The following ARHGAP17 variants were observed in gnomAD, a reference collection of about 807,000 sequenced individuals.
ARHGAP17 encodes Rho GTPase activating protein 17, also known as rho GTPase-activating protein 17.
A neutral mutation model predicts 99.5 loss-of-function variants in ARHGAP17; 57 were observed. The ratio of observed to expected loss-of-function variants is 0.57; its 90% CI spans 0.46 to 0.71. The LOEUF (loss-of-function observed/expected upper bound fraction) is 0.71, where lower values mean the gene tolerates loss of function less well. Ranked by LOEUF, ARHGAP17 falls within the 30% of genes least tolerant of loss-of-function variation. The probability of loss-of-function intolerance (pLI) is 0.00; values close to 1 mark genes in which losing one functional copy is unlikely to be tolerated. For synonymous variants in ARHGAP17, 417 were observed against 429.6 expected, an observed-to-expected ratio of 0.97 and a Z score of 0.36; for missense variants, 1,000 against 1,122.4, an observed-to-expected ratio of 0.89 and a Z score of 1.56.
intron 1 of ARHGAP17, among the ~76,000 whole-genome samples, chr16:24,980,964 C>T (rs565037612): frequency 6.6e-6 from 1 of 152,230 alleles, no homozygotes; most frequent in South Asian, 2.1e-4. Context: ...GAGATTCAAC[C>T]TGAGAATCAG....
intron 1 of ARHGAP17, among the ~76,000 whole-genome samples, chr16:25,000,266 G>A (rs973754128): frequency 1.3e-5 from 2 of 152,168 alleles, no homozygotes; most frequent in African/African-American, 2.4e-5. Flanking sequence ...TCCCATGACA[G>A]AACACATTTC....
intron 18 of ARHGAP17, among the ~76,000 whole-genome samples, chr16:24,931,974 G>A (rs1453747551): frequency 6.6e-6 from 1 of 152,046 alleles, no homozygotes; most frequent in Non-Finnish European, 1.5e-5. Context: ...AAAATTAGCC[G>A]GGCGTGGTGG....
chr16:24,948,045 G>A (rs1198301249), intron 13 of ARHGAP17, among the ~76,000 whole-genome samples: 1 of 152,112 alleles, frequency 6.6e-6, no homozygotes, highest in East Asian at 1.9e-4. Context: ...TTATGTATAA[G>A]TACAGTCATA....
At chr16:24,949,544 T>C in intron 12 of ARHGAP17, 60 bp from the exon 13 acceptor site, 2 of 1,454,774 alleles carry the variant, frequency 1.4e-6, no homozygotes, top group East Asian at 2.3e-5. Context: ...CTTATTAATA[T>C]GCTATGTTAA....
In ARHGAP17 at chr16:24,954,667, C is replaced by A. The variant is rs755001720; in HGVS notation, c.788G>T (p.Arg263Leu). Residue 263 changes from arginine to leucine, a missense_variant, in exon 10 of 20, where the codon CGC becomes CTC. Physicochemically the swap from Arg to Leu is moderately radical, Grantham distance 102 (BLOSUM62 -2). This residue lies in a region of ARHGAP17 where 472 missense variants were observed against 611.1 expected (regional missense o/e 0.77). Coordinates refer to ENST00000289968, the MANE Select transcript of ARHGAP17 (RefSeq NM_001006634.3). Reference sequence around the variant, plus strand: ...GGCTTCAATGGGCAGCGCAATCTCGCGCCCGCTCCTCTTCAGGTGTTCTTC... The same window carrying A: ...GGCTTCAATGGGCAGCGCAATCTCGAGCCCGCTCCTCTTCAGGTGTTCTTC... The part of the protein sequence containing the change: ...PLEEHLKRSG[R>L]EIALPIEACV... The A allele has an allele frequency of 6.2e-7, 1 of 1,614,074 alleles. No homozygotes were observed. Among genetic ancestry groups the A allele is most frequent in the South Asian group, 1.1e-5 (1 of 91,064 alleles).
intron 4 of ARHGAP17, among the ~76,000 whole-genome samples, chr16:24,969,551 G>A (rs550316150): frequency 2.8e-4 from 42 of 152,312 alleles, no homozygotes; most frequent in African/African-American, 9.9e-4. Flanking sequence ...GAGTGATGTT[G>A]TGTGTTAACA....
At chr16:24,982,996 A>ATATATTTTT (rs1315859010) in intron 1 of ARHGAP17, among the ~76,000 whole-genome samples, 1 of 46,966 alleles carries the variant, frequency 2.1e-5, no homozygotes, top group African/African-American at 8.7e-5. Flanking sequence ...ATATATATAT[A>ATATATTTTT]TTTTTTTTTT....
rs773755529 is a variant in ARHGAP17, at chr16:24,939,575, A to G, written c.1513T>C (p.Phe505Leu). Residue 505 changes from phenylalanine to leucine, a missense_variant, in exon 17 of 20, where the codon TTC (phenylalanine) becomes CTC (leucine). Phe to Leu is a conservative substitution (Grantham distance 22). This residue lies in a region of ARHGAP17 where 528 missense variants were observed against 511.4 expected (regional missense o/e 1.03). Coordinates refer to ENST00000289968, the MANE Select transcript of ARHGAP17 (RefSeq NM_001006634.3). The stretch of plus-strand genomic sequence containing the variant: ...GTGCCACCCCGCCGGTGGGCCTGGA[A>G]GTCCATAAGCTTCACACCAAAGCTA... The part of the protein sequence containing the change: ...KESFGVKLMD[F>L]QAHRRGGTLN... 10 of 1,607,280 alleles carry G rather than the reference A, an allele frequency of 6.2e-6. No homozygotes were observed. The highest frequency in any genetic ancestry group is 8.5e-6 in the Non-Finnish European group (10 of 1,177,598).
intron 16 of ARHGAP17, among the ~76,000 whole-genome samples, chr16:24,940,545 T>C (rs545289014): frequency 6.6e-6 from 1 of 152,166 alleles, no homozygotes; most frequent in South Asian, 2.1e-4. Context: ...ACTATTTTTT[T>C]AGAAAATTAG....
intron 6 of ARHGAP17, among the ~76,000 whole-genome samples, chr16:24,965,760 C>T (rs2052160696): frequency 6.6e-6 from 1 of 152,198 alleles, no homozygotes; most frequent in African/African-American, 2.4e-5. Flanking sequence ...TCAGTTGCCT[C>T]ATCTACAAAA....
intron 17 of ARHGAP17, 178 bp from the exon 18 acceptor site, chr16:24,935,817 T>C: frequency 1.4e-6 from 1 of 700,452 alleles, no homozygotes. Flanking sequence ...TGGTGCCATA[T>C]AAAGAGCTAA....
At chr16:25,010,963 C>T (rs534050273) in intron 1 of ARHGAP17, among the ~76,000 whole-genome samples, 8 of 152,338 alleles carry the variant, frequency 5.3e-5, no homozygotes, top group Middle Eastern at 3.4e-3. Flanking sequence ...AATCAACACC[C>T]AAGGAGACAC....
chr16:24,925,214 A>G (rs2050809695), intron 19 of ARHGAP17, among the ~76,000 whole-genome samples: 1 of 152,166 alleles, frequency 6.6e-6, no homozygotes, highest in Non-Finnish European at 1.5e-5. Context: ...CCCTGTCTCT[A>G]CTAAAAATAC....
chr16:24,927,673 CT>C, intron 19 of ARHGAP17: 12 of 1,190,072 alleles, frequency 1.0e-5, no homozygotes, highest in East Asian at 5.9e-5. Context: ...AATCAGGTGC[CT>C]TTTCCTTACC....
intron 1 of ARHGAP17, chr16:25,013,995 G>C (rs566744877): frequency 2.6e-5 from 4 of 152,148 alleles, no homozygotes; most frequent in African/African-American, 9.6e-5. Flanking sequence ...TGGGCTTTAG[G>C]GGCAGCGATT....
intron 17 of ARHGAP17, 27 bp from the exon 18 acceptor site, chr16:24,935,666 C>A (rs368647727): frequency 6.2e-6 from 10 of 1,609,774 alleles, no homozygotes; most frequent in Non-Finnish European, 8.5e-6. Flanking sequence ...TCAAGTTAGA[C>A]GTCAGACAAT....
intron 19 of ARHGAP17, among the ~76,000 whole-genome samples, chr16:24,922,537 A>G (rs2050743558): frequency 6.6e-6 from 1 of 152,146 alleles, no homozygotes. Context: ...TGGTTTCCCC[A>G]GCCCCTCTCT....
intron 1 of ARHGAP17, among the ~76,000 whole-genome samples, chr16:24,997,632 T>C (rs1048702518): frequency 1.6e-4 from 25 of 151,532 alleles, no homozygotes; most frequent in African/African-American, 5.6e-4. Context: ...AGTGGGTAGG[T>C]AGAGCAGGGC....
At chr16:24,948,883 A>G (rs2051550976) in intron 13 of ARHGAP17, 1 of 152,008 alleles carries the variant, frequency 6.6e-6, no homozygotes, top group African/African-American at 2.4e-5. Context: ...GTTACATATT[A>G]AGTCAAAAGG....
Sources: gnomAD v4.1 joint callset for allele counts (sites outside exome capture counted in the v4.1 genomes callset) on GRCh38, gnomAD v4.1.1 for gene constraint, gnomAD v4.1.1 regional missense constraint, MANE v1.5 for transcripts, NCBI Gene and HGNC (gene_info 2026-07-23, HGNC 2026-07-21) for gene names.